Variants in LANCL3 observed in about 807,000 individuals in gnomAD.
LANCL3 encodes the protein LanC like family member 3, also known as lanC-like protein 3.
Under a neutral mutation model 26.5 loss-of-function variants are expected in LANCL3, and 19 were observed. The ratio of observed to expected loss-of-function variants is 0.72; its 90% CI spans 0.50 to 1.05. The LOEUF (loss-of-function observed/expected upper bound fraction) is 1.05. Ranked by LOEUF, LANCL3 falls within the 50% of genes least tolerant of loss-of-function variation. The pLI is 0.00. For synonymous variants in LANCL3, 160 were observed against 166.6 expected, an observed-to-expected ratio of 0.96 and a Z score of 0.30; for missense variants, 318 against 362.7, an observed-to-expected ratio of 0.88 and a Z score of 1.00.
At chrX:37,647,651 CAG>C (rs1926022994) in intron 1 of LANCL3, among the ~76,000 whole-genome samples, 1 of 112,150 alleles carries the variant, frequency 8.9e-6, no homozygotes, top group African/African-American at 3.2e-5. Flanking sequence ...GATGGGCACT[CAG>C]GGCATTTTGG....
chrX:37,614,960 T>C (rs782423792), intron 1 of LANCL3, among the ~76,000 whole-genome samples: 2 of 112,610 alleles, frequency 1.8e-5, no homozygotes, highest in African/African-American at 6.4e-5. Context: ...TTATGTGTTA[T>C]GCCCTGTTCT....
chrX:37,571,793 G>A lies in LANCL3; in HGVS notation c.-78G>A. On this transcript the variant is annotated 5_prime_UTR_variant, in exon 1 of 5. Transcript: ENST00000378619. ...CACCGGCATCCGAGTGCCTCAGAGA[G>A]CCGGAGGTGGTGTGCGGGGCTGCAG... The A allele has an allele frequency of 1.1e-6, 1 of 885,890 alleles. No individual in the cohort carries two copies. The highest frequency in any genetic ancestry group is 2.0e-5 in the African/African-American group (1 of 50,069). 73.0% of individuals were successfully genotyped at this position (885,890 alleles called of 1,213,427 possible). A position where few individuals can be genotyped will look rare whatever the true frequency, so the allele number is the denominator to read the frequency against.
At position 37,667,361 on chromosome X, in the gene LANCL3, A is replaced by G. The variant is rs782021623; in HGVS notation, c.975A>G (p.Glu325=). ...QYLDTCIRCG[E]LTWQKGLLKK... is the part of the protein sequence containing the mutation. The stretch of plus-strand genomic sequence containing the variant: ...TGGACACATGTATTCGGTGTGGGGA[A>G]CTCACATGGCAGAAAGGCCTGCTAA... The change falls in exon 4 of 5, where the codon GAA becomes GAG. Residue 325 remains glutamate, a synonymous_variant. Transcript: ENST00000378619. 16 of 1,196,024 alleles carry G rather than the reference A, an allele frequency of 1.3e-5. No individual in the cohort carries two copies. Among genetic ancestry groups the G allele is most frequent in the Non-Finnish European group, 1.8e-5 (16 of 889,570 alleles).
intron 1 of LANCL3, among the ~76,000 whole-genome samples, chrX:37,626,348 C>T (rs782488459): frequency 8.9e-6 from 1 of 112,198 alleles, no homozygotes; most frequent in East Asian, 2.8e-4. Context: ...ACTATCTAAG[C>T]TTCTCCCAGA....
At chrX:37,632,309 G>T (rs1445961733) in intron 1 of LANCL3, among the ~76,000 whole-genome samples, 4 of 111,474 alleles carry the variant, frequency 3.6e-5, no homozygotes, top group Non-Finnish European at 7.5e-5. Flanking sequence ...TTGCTTGGTA[G>T]ATCTTCCTCC....
rs1556437458 is a variant in LANCL3 at position 37,676,898 on chromosome X, A to G, written c.*1085A>G. The G allele has an allele frequency of 6.3e-5, 7 of 111,990 alleles. No individual in the cohort carries two copies. The highest frequency in any genetic ancestry group is 1.9e-5 in the Non-Finnish European group (1 of 53,123). 9.2% of individuals were successfully genotyped at this position (111,990 alleles called of 1,213,427 possible). A position where few individuals can be genotyped will look rare whatever the true frequency, so the allele number is the denominator to read the frequency against. The stretch of plus-strand genomic sequence containing the variant: ...CCACTAGAAATTGGCTGTAATACTC[A>G]TTGAGCCAAGTTGTCATATCAAATT... On this transcript the variant is annotated 3_prime_UTR_variant, in exon 5 of 5. Transcript: ENST00000378619.
At chrX:37,630,499 T>A (rs1371334741) in intron 1 of LANCL3, among the ~76,000 whole-genome samples, 2 of 104,895 alleles carry the variant, frequency 1.9e-5, no homozygotes, top group Admixed American at 1.0e-4. Context: ...TGAATAGGAG[T>A]GGTGAGAGAG....
chrX:37,576,577 G>A lies in LANCL3; in HGVS notation c.573+4134G>A, dbSNP rs145218549. On this transcript the variant is annotated intron_variant, in intron 1 of 4. Coordinates refer to ENST00000378619, the MANE Select transcript of LANCL3 (RefSeq NM_001170331.2). ...TTAATAAGAGCTTCTTCGTTGACTT[G>A]TTCTGGTTTTCATTCATTCATTCAG... is the stretch of plus-strand genomic sequence containing the variant. Among the ~76,000 whole-genome samples, 249 of 111,823 alleles carry A rather than the reference G, an allele frequency of 2.2e-3. 1 individual carries two copies. Among genetic ancestry groups the A allele is most frequent in the African/African-American group, 7.8e-3 (239 of 30,789 alleles).
chrX:37,584,535 G>C (rs1924004042), intron 1 of LANCL3, among the ~76,000 whole-genome samples: 1 of 111,096 alleles, frequency 9.0e-6, no homozygotes, highest in African/African-American at 3.3e-5. Flanking sequence ...CTTCTTCCTG[G>C]TTTATTGTTG....
chrX:37,575,234 G>A (rs1242071518), intron 1 of LANCL3, among the ~76,000 whole-genome samples: 1 of 110,944 alleles, frequency 9.0e-6, no homozygotes, highest in African/African-American at 3.3e-5. Flanking sequence ...GCCTTGTATA[G>A]GTCTTTACTT....
At position 37,675,078 on chromosome X, in the gene LANCL3, A is replaced by T. The variant is rs188471423; in HGVS notation, c.1104-576A>T. ...AATTTAAGGCGAATGTCTCAAAAAT[A>T]ATCTGTCTTGTAGCTGCGTTTGCTA... On this transcript the variant is annotated intron_variant, in intron 4 of 4. Transcript: ENST00000378619. Among the ~76,000 whole-genome samples the T allele has an allele frequency of 1.6e-3, 175 of 112,316 alleles. 1 individual carries two copies. Among genetic ancestry groups the T allele is most frequent in the Non-Finnish European group, 8.6e-4 (46 of 53,225 alleles).
intron 1 of LANCL3, among the ~76,000 whole-genome samples, chrX:37,652,025 TC>T (rs200899092): frequency 0.13 from 13,706 of 107,477 alleles, 720 homozygotes; most frequent in Non-Finnish European, 0.17. Context: ...GCTGACAGCT[TC>T]ATTTTTTTTT....
chrX:37,647,448 A>G (rs1926018558), intron 1 of LANCL3, among the ~76,000 whole-genome samples: 1 of 112,532 alleles, frequency 8.9e-6, no homozygotes, highest in African/African-American at 3.2e-5. Context: ...GACATACAAA[A>G]AAGTCATTTT....
At chrX:37,622,453 C>T (rs1925192426) in intron 1 of LANCL3, among the ~76,000 whole-genome samples, 1 of 109,409 alleles carries the variant, frequency 9.1e-6, no homozygotes, top group African/African-American at 3.3e-5. Context: ...CTGAGAAATC[C>T]TACACTGAAA....
At chrX:37,643,489 C>A (rs1387236184) in intron 1 of LANCL3, among the ~76,000 whole-genome samples, 1 of 111,901 alleles carries the variant, frequency 8.9e-6, no homozygotes, top group Non-Finnish European at 1.9e-5. Context: ...GAACTGAGGT[C>A]CAGAGAAGTT....
intron 1 of LANCL3, among the ~76,000 whole-genome samples, chrX:37,576,877 G>T (rs781897858): frequency 4.5e-5 from 5 of 111,904 alleles, no homozygotes; most frequent in African/African-American, 1.6e-4. Context: ...CCAGGCAGAG[G>T]GCAAGAGCCC....
At chrX:37,596,165 G>C (rs1161136465) in intron 1 of LANCL3, among the ~76,000 whole-genome samples, 2 of 111,894 alleles carry the variant, frequency 1.8e-5, no homozygotes, top group Non-Finnish European at 3.8e-5. Context: ...AGCATACTAT[G>C]ACTTAATATA....
At chrX:37,592,723 G>C (rs1924322918) in intron 1 of LANCL3, among the ~76,000 whole-genome samples, 1 of 111,772 alleles carries the variant, frequency 8.9e-6, no homozygotes, top group Non-Finnish European at 1.9e-5. Flanking sequence ...GATAATAAGA[G>C]AAAAGATTAA....
At chrX:37,657,988 C>T (rs1340195874) in intron 2 of LANCL3, among the ~76,000 whole-genome samples, 3 of 112,034 alleles carry the variant, frequency 2.7e-5, no homozygotes, top group Non-Finnish European at 5.6e-5. Flanking sequence ...GCCCACTAAT[C>T]GGGATTCTAC....
Sources: gnomAD v4.1 joint callset for allele counts (sites outside exome capture counted in the v4.1 genomes callset) on GRCh38, gnomAD v4.1.1 for gene constraint, MANE v1.5 for transcripts, NCBI Gene and HGNC (gene_info 2026-07-23, HGNC 2026-07-21) for gene names.